KLHL29: variants seen among roughly 807,000 people sequenced by gnomAD.
KLHL29 encodes kelch like family member 29, also known as kelch-like protein 29.
Under a neutral mutation model 80.4 loss-of-function variants are expected in KLHL29, and 21 were observed. That is an observed-to-expected ratio of 0.26 (90% CI 0.19 to 0.38). KLHL29 has a LOEUF of 0.38. Among genes scored for constraint, KLHL29 ranks in the 10% least tolerant of loss-of-function variants. The pLI, the probability that KLHL29 is intolerant of heterozygous loss-of-function variation, is 1.00. For synonymous variants in KLHL29, 511 were observed against 526.8 expected (o/e 0.97, Z 0.41); for missense variants, 867 against 1,223.9 (o/e 0.71, Z 4.35).
intron 1 of KLHL29, among the ~76,000 whole-genome samples, chr2:23,434,582 A>G (rs963821991): frequency 3.9e-5 from 6 of 152,226 alleles, no homozygotes; most frequent in Non-Finnish European, 8.8e-5. Context: ...ACGGGAAGAA[A>G]GAAAGAAGAG....
chr2:23,519,289 C>G (rs566799517), intron 2 of KLHL29, among the ~76,000 whole-genome samples: 59 of 152,258 alleles, frequency 3.9e-4, no homozygotes, highest in African/African-American at 1.3e-3. Flanking sequence ...ATGTTGTCAG[C>G]CTTGGCAATA....
intron 1 of KLHL29, among the ~76,000 whole-genome samples, chr2:23,424,366 C>T (rs1662948451): frequency 6.6e-6 from 1 of 152,168 alleles, no homozygotes; most frequent in Non-Finnish European, 1.5e-5. Context: ...CAGACTCGGT[C>T]ACCATTTGGT....
chr2:23,534,385 C>T (rs1402316091), intron 2 of KLHL29, among the ~76,000 whole-genome samples: 1 of 152,194 alleles, frequency 6.6e-6, no homozygotes, highest in South Asian at 2.1e-4. Flanking sequence ...TATTATGTCT[C>T]AATGCCTTTG....
Position 23,691,225 on chromosome 2 carries a change from G to C in KLHL29, c.1080-449G>C, listed in dbSNP as rs1478138968. 8 of 220,640 alleles carry C rather than the reference G, an allele frequency of 3.6e-5. No homozygotes were observed. The East Asian group carries it at 1.0e-3, about 28-fold the overall frequency. The allele number at this position is 220,640 out of a possible 1,614,324, so 13.7% of individuals were successfully genotyped here. ...GCGATCAGAGGATATCTCTGGATTG[G>C]CTGGCATCACAGCCAGTTGGGAGCC... is the stretch of plus-strand genomic sequence containing the variant. On this transcript the variant is annotated intron_variant, in intron 6 of 13. Transcript: ENST00000486442.
At chr2:23,428,484 C>A (rs1663065592) in intron 1 of KLHL29, among the ~76,000 whole-genome samples, 1 of 152,200 alleles carries the variant, frequency 6.6e-6, no homozygotes, top group Non-Finnish European at 1.5e-5. Flanking sequence ...CTCAGCTCCT[C>A]TCGCCTACCT....
chr2:23,541,776 A>AAAAAAAAAAAAAAAAC (rs1666842922), intron 2 of KLHL29, among the ~76,000 whole-genome samples: 3 of 151,858 alleles, frequency 2.0e-5, no homozygotes, highest in African/African-American at 7.3e-5. Flanking sequence ...AAAAAACAAA[A>AAAAAAAAAAAAAAAAC]AAAAAAAAAC....
Position 23,647,571 on chromosome 2 carries a change from C to T in KLHL29, c.940+4721C>T, listed in dbSNP as rs1314175252. Among the ~76,000 whole-genome samples, 2 of 152,180 alleles carry T rather than the reference C, an allele frequency of 1.3e-5. No homozygotes were observed. Among genetic ancestry groups the T allele is most frequent in the African/African-American group, 2.4e-5 (1 of 41,452 alleles). ...CCCCACCACCCCACCATCAGGCCACCGTCACCTCTGGCCTGCACACTGGCC... is the reference window on the plus strand; with the variant it reads ...CCCCACCACCCCACCATCAGGCCACTGTCACCTCTGGCCTGCACACTGGCC... On this transcript the variant is annotated intron_variant, in intron 5 of 13. Coordinates refer to ENST00000486442, the MANE Select transcript of KLHL29 (RefSeq NM_052920.2). This position sits in a 1 kb window ranked among gnomAD's most constrained non-coding sequence, Gnocchi z 4.9.
intron 3 of KLHL29, among the ~76,000 whole-genome samples, chr2:23,602,479 C>G (rs909289721): frequency 1.3e-5 from 2 of 152,176 alleles, no homozygotes; most frequent in African/African-American, 4.8e-5. Flanking sequence ...GCCCAGAGTC[C>G]TGTGTGAGGC....
At chr2:23,451,541 C>G (rs1038328092) in intron 1 of KLHL29, among the ~76,000 whole-genome samples, 3 of 152,228 alleles carry the variant, frequency 2.0e-5, no homozygotes, top group African/African-American at 7.2e-5. Context: ...GCATCTCCCT[C>G]TTCCCAAGGC....
chr2:23,456,424 A>G (rs1183392301), intron 1 of KLHL29, among the ~76,000 whole-genome samples: 1 of 152,238 alleles, frequency 6.6e-6, no homozygotes, highest in Non-Finnish European at 1.5e-5. Flanking sequence ...AGGTGGAAAC[A>G]TTTGTTCTAG....
intron 3 of KLHL29, among the ~76,000 whole-genome samples, chr2:23,610,699 C>T (rs755553714): frequency 6.6e-6 from 1 of 152,218 alleles, no homozygotes; most frequent in Non-Finnish European, 1.5e-5. Flanking sequence ...GGGCGGGTGC[C>T]CTGAAATGCT....
In KLHL29 at chr2:23,682,633, C is replaced by G. The variant is rs1257880508; in HGVS notation, c.941-1766C>G. The stretch of plus-strand genomic sequence containing the variant: ...TCATTGTGTTCCCTGTTGCCCATGG[C>G]CCTTTTGTCCACCTGCACCTGCCCC... On this transcript the variant is annotated intron_variant, in intron 5 of 13. Coordinates refer to ENST00000486442, the MANE Select transcript of KLHL29 (RefSeq NM_052920.2). The surrounding 1 kb of genome is among the most constrained non-coding windows in gnomAD (Gnocchi z 4.1). Among the ~76,000 whole-genome samples the G allele has an allele frequency of 3.9e-5, 6 of 152,260 alleles. No homozygotes were observed. The East Asian group carries it at 1.2e-3, about 29-fold the overall frequency.
chr2:23,653,699 G>A (rs147323535), intron 5 of KLHL29, among the ~76,000 whole-genome samples: 1,942 of 152,330 alleles, frequency 0.013, 22 homozygotes, highest in Non-Finnish European at 0.021. Context: ...ACTCTGACTC[G>A]AGAATATGGG....
intron 1 of KLHL29, among the ~76,000 whole-genome samples, chr2:23,394,343 A>T (rs1019580150): frequency 6.6e-6 from 1 of 152,176 alleles, no homozygotes; most frequent in African/African-American, 2.4e-5. Context: ...GGGTAGATTG[A>T]ATAACTGTTT....
intron 3 of KLHL29, among the ~76,000 whole-genome samples, chr2:23,615,091 A>G (rs1255330545): frequency 1.3e-5 from 2 of 152,140 alleles, no homozygotes; most frequent in Non-Finnish European, 2.9e-5. Flanking sequence ...TCCACGTCCT[A>G]TCCAGTTGCC....
intron 2 of KLHL29, among the ~76,000 whole-genome samples, chr2:23,499,676 A>G (rs1421003352): frequency 6.6e-6 from 1 of 152,154 alleles, no homozygotes; most frequent in Non-Finnish European, 1.5e-5. Context: ...CAGAGACAGC[A>G]CTGTCGGCCC....
At chr2:23,673,804 G>A (rs1670847843) in intron 5 of KLHL29, among the ~76,000 whole-genome samples, 1 of 151,940 alleles carries the variant, frequency 6.6e-6, no homozygotes, top group Non-Finnish European at 1.5e-5. Context: ...GCACACAGGG[G>A]TGCATACACA....
intron 3 of KLHL29, among the ~76,000 whole-genome samples, chr2:23,620,275 C>T (rs1424107906): frequency 6.6e-6 from 1 of 152,122 alleles, no homozygotes; most frequent in African/African-American, 2.4e-5. Context: ...GCACTCGATC[C>T]CTTCGACAAT....
chr2:23,691,997 T>A, intron 7 of KLHL29, 121 bp downstream of exon 7: 2 of 910,100 alleles, frequency 2.2e-6, no homozygotes, highest in Non-Finnish European at 3.3e-6. Context: ...CCCTCACATG[T>A]GGCTGAGTTT....
Sources: allele counts gnomAD v4.1 joint callset (sites outside exome capture counted in the v4.1 genomes callset), GRCh38; gene constraint gnomAD v4.1.1; non-coding constraint Gnocchi (gnomAD v3.1); transcripts MANE v1.5; gene names NCBI Gene and HGNC (gene_info 2026-07-23, HGNC 2026-07-21).